DHRS3: variants seen among roughly 807,000 people sequenced by gnomAD.
The protein encoded by DHRS3 is short-chain dehydrogenase/reductase 3.
In DHRS3, 14 loss-of-function variants were observed where a neutral mutation model predicts 27.2. The ratio of observed to expected loss-of-function variants is 0.52; its 90% CI spans 0.34 to 0.81. The LOEUF (loss-of-function observed/expected upper bound fraction) is 0.81, where lower values mean the gene tolerates loss of function less well. Among genes scored for constraint, DHRS3 ranks in the 30% least tolerant of loss-of-function variants. DHRS3 has a pLI of 0.01. For synonymous variants in DHRS3, 165 were observed against 175.9 expected, an observed-to-expected ratio of 0.94 and a Z score of 0.49; for missense variants, 322 against 406.2, an observed-to-expected ratio of 0.79 and a Z score of 1.78.
intron 1 of DHRS3, among the ~76,000 whole-genome samples, chr1:12,587,182 GC>G (rs1407676322): frequency 8.1e-6 from 1 of 123,936 alleles, no homozygotes; most frequent in Non-Finnish European, 1.6e-5. Flanking sequence ...TCACTCTGTT[GC>G]CCAGGCCGGA....
intron 1 of DHRS3, among the ~76,000 whole-genome samples, chr1:12,601,708 G>T (rs1646837053): frequency 6.6e-6 from 1 of 152,090 alleles, no homozygotes; most frequent in South Asian, 2.1e-4. Context: ...CAACCAAAAG[G>T]CAAGACTCAT....
In DHRS3 at chr1:12,591,099, C is replaced by A. The variant is rs1213609387; in HGVS notation, c.196-10433G>T. Among the ~76,000 whole-genome samples the A allele has an allele frequency of 6.6e-6, 1 of 152,222 alleles. No individual in the cohort carries two copies. The highest frequency in any genetic ancestry group is 2.1e-4 in the South Asian group (1 of 4,834). Reference sequence around the variant, plus strand: ...GTTTTCCAGGCAACCATTACCCCAGCAGGGTTCTGGATCTTCCATCAGCAA... The same window carrying A: ...GTTTTCCAGGCAACCATTACCCCAGAAGGGTTCTGGATCTTCCATCAGCAA... On this transcript the variant is annotated intron_variant, in intron 1 of 5. Coordinates refer to ENST00000616661, the MANE Select transcript of DHRS3 (RefSeq NM_004753.7). The surrounding 1 kb of genome is among the most constrained non-coding windows in gnomAD (Gnocchi z 4.1).
chr1:12,606,136 C>CAAAAAAAAAA (rs35154933), intron 1 of DHRS3, among the ~76,000 whole-genome samples: 2 of 106,842 alleles, frequency 1.9e-5, no homozygotes, highest in Non-Finnish European at 3.7e-5. Context: ...GACTCTGTCT[C>CAAAAAAAAAA]AAAAAAAAAA....
chr1:12,579,062 G>T (rs1478954919), intron 3 of DHRS3, 106 bp from the exon 4 acceptor site: 1 of 1,264,932 alleles, frequency 7.9e-7, no homozygotes, highest in Non-Finnish European at 1.1e-6. Flanking sequence ...ATGCTCTAGG[G>T]CCCGAGCCTT....
intron 2 of DHRS3, chr1:12,579,879 T>C (rs979214712): frequency 5.8e-6 from 1 of 173,624 alleles, no homozygotes; most frequent in Non-Finnish European, 1.2e-5. Flanking sequence ...TTTTCTTAGA[T>C]ATTCCTTCCC....
intron 1 of DHRS3, among the ~76,000 whole-genome samples, chr1:12,612,758 C>T (rs1297150106): frequency 3.9e-5 from 6 of 152,100 alleles, no homozygotes; most frequent in Admixed American, 2.0e-4. Flanking sequence ...TAACTAGTGT[C>T]CTTATAAGAA....
Position 12,617,499 on chromosome 1 carries a change from C to T in DHRS3, c.-151G>A. The T allele has an allele frequency of 6.4e-6, 2 of 314,300 alleles. No homozygotes were observed. The highest frequency in any genetic ancestry group is 1.1e-5 in the Non-Finnish European group (2 of 188,548). The allele number at this position is 314,300 out of a possible 1,614,324, so 19.5% of individuals were successfully genotyped here. On this transcript the variant is annotated 5_prime_UTR_variant, in exon 1 of 6. Transcript: ENST00000616661. ...TCTTGAAATCACCTCTTCCCAAATGCAAAGCACCGGGTGAGAAAAAGAAAA... is the reference window on the plus strand; with the variant it reads ...TCTTGAAATCACCTCTTCCCAAATGTAAAGCACCGGGTGAGAAAAAGAAAA...
At chr1:12,580,293 C>T (rs866927654) in intron 2 of DHRS3, 27 of 568,052 alleles carry the variant, frequency 4.8e-5, no homozygotes, top group Middle Eastern at 4.9e-4. Flanking sequence ...GAAACCCACA[C>T]GGTCTACATT....
intron 4 of DHRS3, among the ~76,000 whole-genome samples, chr1:12,577,158 C>T (rs771782177): frequency 2.8e-4 from 43 of 152,120 alleles, no homozygotes; most frequent in Non-Finnish European, 4.7e-4. Context: ...AAGCACTGTA[C>T]GCTGGATTGC....
chr1:12,603,311 G>A (rs1024274124), intron 1 of DHRS3, among the ~76,000 whole-genome samples: 17 of 152,236 alleles, frequency 1.1e-4, no homozygotes, highest in African/African-American at 4.1e-4. Context: ...AGGGTCCATC[G>A]AGGAGAGGGA....
intron 1 of DHRS3, among the ~76,000 whole-genome samples, chr1:12,600,996 G>T (rs1345709342): frequency 1.3e-5 from 2 of 151,698 alleles, no homozygotes; most frequent in African/African-American, 4.8e-5. Flanking sequence ...GGGTTGGGGG[G>T]CGCGGTGGTA....
chr1:12,574,749 A>G lies in DHRS3; in HGVS notation c.699-1896T>C, dbSNP rs1002443700. Among the ~76,000 whole-genome samples the G allele has an allele frequency of 4.6e-5, 7 of 152,336 alleles. No individual in the cohort carries two copies. Among genetic ancestry groups the G allele is most frequent in the South Asian group, 2.1e-4 (1 of 4,826 alleles). On this transcript the variant is annotated intron_variant, in intron 4 of 5. Transcript: ENST00000616661. The surrounding 1 kb of genome is among the most constrained non-coding windows in gnomAD (Gnocchi z 4.6). ...GGAGGCCTCAAGCACGTCTGTGCGC[A>G]GGATTTTCTCCTTCCTCTCCACGGT...
At chr1:12,569,913 C>T (rs1198319030) in intron 5 of DHRS3, 1 of 152,214 alleles carries the variant, frequency 6.6e-6, no homozygotes, top group East Asian at 1.9e-4. Context: ...TAACTATAGT[C>T]ACCCTGCTGT....
At chr1:12,613,617 T>C (rs569290165) in intron 1 of DHRS3, among the ~76,000 whole-genome samples, 14 of 152,362 alleles carry the variant, frequency 9.2e-5, no homozygotes, top group Admixed American at 3.3e-4. Context: ...CTCACAGTGC[T>C]AGTTCCTGGC....
At chr1:12,585,823 C>G (rs1463079886) in intron 1 of DHRS3, among the ~76,000 whole-genome samples, 1 of 152,290 alleles carries the variant, frequency 6.6e-6, no homozygotes, top group East Asian at 1.9e-4. Context: ...CGGAGGCGGG[C>G]GTCTGAGGGT....
intron 1 of DHRS3, among the ~76,000 whole-genome samples, chr1:12,596,915 C>A (rs1646802107): frequency 6.6e-6 from 1 of 152,158 alleles, no homozygotes; most frequent in Non-Finnish European, 1.5e-5. Context: ...ACTGCCCCCC[C>A]AAACTGAGCC....
chr1:12,585,480 G>A (rs1181707149), intron 1 of DHRS3, among the ~76,000 whole-genome samples: 1 of 152,172 alleles, frequency 6.6e-6, no homozygotes, highest in East Asian at 1.9e-4. Flanking sequence ...GCAGGGAAGC[G>A]CGGCTGGGCA....
intron 1 of DHRS3, chr1:12,600,448 AT>A (rs1646827975): frequency 1.0e-6 from 1 of 955,550 alleles, no homozygotes; most frequent in East Asian, 1.2e-4. Context: ...CAGACTCTTA[AT>A]TCTTTGGCAT....
At chr1:12,585,469 C>G (rs566832010) in intron 1 of DHRS3, among the ~76,000 whole-genome samples, 5 of 152,192 alleles carry the variant, frequency 3.3e-5, no homozygotes, top group Non-Finnish European at 7.4e-5. Context: ...TGCTGGGAGT[C>G]GCAGGGAAGC....
Sources: allele counts gnomAD v4.1 joint callset (sites outside exome capture counted in the v4.1 genomes callset), GRCh38; gene constraint gnomAD v4.1.1; non-coding constraint Gnocchi (gnomAD v3.1); transcripts MANE v1.5; gene names NCBI Gene and HGNC (gene_info 2026-07-23, HGNC 2026-07-21).